GRIK4: variants seen among roughly 807,000 people sequenced by gnomAD.
The protein encoded by GRIK4 is glutamate ionotropic receptor kainate type subunit 4.
A neutral mutation model predicts 104.9 loss-of-function variants in GRIK4; 40 were observed. That is an observed-to-expected ratio of 0.38 (90% CI 0.30 to 0.50). GRIK4 has a LOEUF of 0.50. Ranked by LOEUF, GRIK4 falls within the 20% of genes least tolerant of loss-of-function variation. GRIK4 has a pLI of 0.93. For synonymous variants in GRIK4, 485 were observed against 524.9 expected, an observed-to-expected ratio of 0.92 and a Z score of 1.04; for missense variants, 1,047 against 1,308.1, an observed-to-expected ratio of 0.80 and a Z score of 3.08.
intron 1 of GRIK4, among the ~76,000 whole-genome samples, chr11:120,582,578 A>G (rs1370752920): frequency 6.6e-6 from 1 of 152,148 alleles, no homozygotes; most frequent in African/African-American, 2.4e-5. Flanking sequence ...TTAGTGTGTT[A>G]GCACCCACTT....
intron 3 of GRIK4, among the ~76,000 whole-genome samples, chr11:120,796,964 G>A (rs1376685615): frequency 6.6e-6 from 1 of 152,072 alleles, no homozygotes; most frequent in Non-Finnish European, 1.5e-5. Context: ...GGCGGAGAAG[G>A]GCACAATCAA....
chr11:120,579,019 C>G (rs1429619353), intron 1 of GRIK4, among the ~76,000 whole-genome samples: 1 of 152,214 alleles, frequency 6.6e-6, no homozygotes, highest in Non-Finnish European at 1.5e-5. Context: ...TACACTATCC[C>G]TCTGTGAGTG....
intron 3 of GRIK4, among the ~76,000 whole-genome samples, chr11:120,738,929 C>T (rs535970767): frequency 7.2e-5 from 11 of 152,176 alleles, no homozygotes; most frequent in Non-Finnish European, 1.2e-4. Context: ...CGGTAGGGAG[C>T]GGACTCTGGC....
intron 17 of GRIK4, 26 bp downstream of exon 17, chr11:120,961,100 G>C: frequency 1.2e-6 from 2 of 1,604,476 alleles, no homozygotes; most frequent in Non-Finnish European, 1.7e-6. Flanking sequence ...TTGCTCACCA[G>C]CATCGGGAAT....
chr11:120,771,865 C>T (rs1339794579), intron 3 of GRIK4, among the ~76,000 whole-genome samples: 3 of 152,248 alleles, frequency 2.0e-5, no homozygotes, highest in Non-Finnish European at 4.4e-5. Context: ...CAGAAAATTG[C>T]TGCAGGAGTG....
intron 1 of GRIK4, among the ~76,000 whole-genome samples, chr11:120,632,885 T>C (rs1430481321): frequency 1.3e-5 from 2 of 152,134 alleles, no homozygotes; most frequent in Admixed American, 1.3e-4. Context: ...ACTATGACCT[T>C]GTTACTAGCT....
chr11:120,720,959 A>C (rs1294585679), intron 3 of GRIK4, among the ~76,000 whole-genome samples: 1 of 148,996 alleles, frequency 6.7e-6, no homozygotes, highest in African/African-American at 2.5e-5. Flanking sequence ...CCAAAGCTGG[A>C]TGAGTTTGTT....
Position 120,967,285 on chromosome 11 carries a change from G to A in GRIK4, c.2357G>A (p.Gly786Glu). Residue 786 changes from glycine to glutamate, a missense_variant, in exon 19 of 21, where the codon GGA becomes GAA. Around this residue, in one of 3 missense-constraint regions of GRIK4, gnomAD observed 440 missense variants for 652.3 expected, o/e 0.67. Transcript: ENST00000527524. The surrounding 1 kb of genome is among the most constrained non-coding windows in gnomAD (Gnocchi z 4.2). Reference sequence around the variant, plus strand: ...ATCCTGAAGCGCAAATGGTGGGAAGGAGGGAAGTGCCCCAAGGAGGAAGAT... The same window carrying A: ...ATCCTGAAGCGCAAATGGTGGGAAGAAGGGAAGTGCCCCAAGGAGGAAGAT... Reference protein sequence around the residue: ...LEILKRKWWEGGKCPKEEDHR... With the variant: ...LEILKRKWWEEGKCPKEEDHR... 2.5e-6 allele frequency: 4 copies of A among 1,614,024 alleles called. No individual in the cohort carries two copies. The highest frequency in any genetic ancestry group is 3.4e-6 in the Non-Finnish European group (4 of 1,179,922).
At chr11:120,680,363 G>A (rs117999541) in intron 3 of GRIK4, among the ~76,000 whole-genome samples, 4,664 of 151,954 alleles carry the variant, frequency 0.031, 121 homozygotes, top group Non-Finnish European at 0.05. Flanking sequence ...TATTACAGAC[G>A]TGAGCCACTG....
intron 2 of GRIK4, among the ~76,000 whole-genome samples, chr11:120,658,306 A>C (rs1446684391): frequency 1.3e-5 from 2 of 152,164 alleles, no homozygotes; most frequent in Admixed American, 6.5e-5. Flanking sequence ...GGTGGTTTCC[A>C]GTTTGGGGAA....
At chr11:120,914,253 C>A (rs553401690) in intron 13 of GRIK4, among the ~76,000 whole-genome samples, 2 of 152,238 alleles carry the variant, frequency 1.3e-5, no homozygotes, top group Non-Finnish European at 2.9e-5. Flanking sequence ...CAGTGTGACA[C>A]ATGCTATATT....
At chr11:120,619,876 CTT>C (rs60138020) in intron 1 of GRIK4, 6,971 of 200,362 alleles carry the variant, frequency 0.035, 351 homozygotes, top group African/African-American at 0.14. Flanking sequence ...TCTGCTATTT[CTT>C]TTTTTTTTTT....
intron 1 of GRIK4, among the ~76,000 whole-genome samples, chr11:120,556,531 C>T (rs1452728546): frequency 2.0e-5 from 3 of 152,128 alleles, no homozygotes; most frequent in African/African-American, 7.2e-5. Flanking sequence ...CCTCCTGCCA[C>T]TCCAGAGGGG....
intron 5 of GRIK4, among the ~76,000 whole-genome samples, chr11:120,815,708 C>T (rs548460668): frequency 5.9e-5 from 9 of 152,090 alleles, no homozygotes; most frequent in Non-Finnish European, 1.3e-4. Context: ...CGGAGCTCCT[C>T]CCTGTCTTAG....
At chr11:120,542,925 C>T (rs1311890281) in intron 1 of GRIK4, among the ~76,000 whole-genome samples, 1 of 152,272 alleles carries the variant, frequency 6.6e-6, no homozygotes, top group Non-Finnish European at 1.5e-5. Flanking sequence ...ACAGCCTAGG[C>T]TCCCAGCATA....
chr11:120,804,879 C>T (rs185887778), intron 4 of GRIK4, among the ~76,000 whole-genome samples: 65 of 152,286 alleles, frequency 4.3e-4, no homozygotes, highest in African/African-American at 1.5e-3. Context: ...CTCCCAGTCC[C>T]TCCTGCTCCT....
chr11:120,844,629 CT>C (rs1382473038), intron 8 of GRIK4, among the ~76,000 whole-genome samples: 1 of 152,170 alleles, frequency 6.6e-6, no homozygotes, highest in Non-Finnish European at 1.5e-5. Flanking sequence ...ACAAAGGAAC[CT>C]ATCTGCGTTT....
chr11:120,859,328 A>C (rs1278304543), intron 8 of GRIK4: 1 of 152,192 alleles, frequency 6.6e-6, no homozygotes, highest in Non-Finnish European at 1.5e-5. Flanking sequence ...CTTTTTAAAA[A>C]ACAAGGATCT....
chr11:120,653,839 C>T (rs1178694035), intron 2 of GRIK4, 47 bp downstream of exon 2: 3 of 152,298 alleles, frequency 2.0e-5, no homozygotes, highest in African/African-American at 7.2e-5. Context: ...GAGGCAGGCT[C>T]TGAGGGGGGC....
Sources: gnomAD v4.1 joint callset for allele counts (sites outside exome capture counted in the v4.1 genomes callset) on GRCh38, gnomAD v4.1.1 for gene constraint, gnomAD v4.1.1 regional missense constraint, Gnocchi (gnomAD v3.1) non-coding constraint, MANE v1.5 for transcripts, NCBI Gene and HGNC (gene_info 2026-07-23, HGNC 2026-07-21) for gene names.